The following BAZ2B variants were observed in gnomAD, a reference collection of about 807,000 sequenced individuals.
The protein encoded by BAZ2B is bromodomain adjacent to zinc finger domain protein 2B.
A neutral mutation model predicts 246.0 loss-of-function variants in BAZ2B; 91 were observed. The observed-to-expected ratio is 0.37, with a 90% CI of 0.31 to 0.44. The LOEUF is 0.44. Among genes scored for constraint, BAZ2B ranks in the 20% least tolerant of loss-of-function variants. The pLI, the probability that BAZ2B is intolerant of heterozygous loss-of-function variation, is 1.00. For missense variants in BAZ2B, 2,332 were observed against 2,533.7 expected, an observed-to-expected ratio of 0.92 and a Z score of 1.71; for synonymous variants, 855 against 860.0, an observed-to-expected ratio of 0.99 and a Z score of 0.10.
intron 3 of BAZ2B, chr2:159,462,112 A>G: frequency 3.8e-6 from 1 of 263,178 alleles, no homozygotes; most frequent in South Asian, 4.9e-5. Context: ...TTAAACAGTA[A>G]AATGTCTCTA....
At chr2:159,633,674 C>T in the BAZ2B span, among the ~76,000 whole-genome samples, 12 of 151,644 alleles carry the variant, frequency 7.9e-5, no homozygotes, top group African/African-American at 2.9e-4. Context: ...CTCTTGATAG[C>T]CAGTATGTTT....
At chr2:159,655,675 G>T in the BAZ2B span, among the ~76,000 whole-genome samples, 3 of 152,090 alleles carry the variant, frequency 2.0e-5, no homozygotes, top group African/African-American at 7.2e-5. Context: ...AATTTCTAAT[G>T]ATCTCATTGG....
chr2:159,532,896 C>T (rs2085520389), intron 2 of BAZ2B, among the ~76,000 whole-genome samples: 1 of 152,092 alleles, frequency 6.6e-6, no homozygotes, highest in Admixed American at 6.6e-5. Context: ...TTAAAATATA[C>T]ATGGAGAGAC....
the BAZ2B span, among the ~76,000 whole-genome samples, chr2:159,658,281 G>A: frequency 2.6e-5 from 4 of 152,012 alleles, no homozygotes; most frequent in Non-Finnish European, 5.9e-5. Context: ...AGTTGGTCAT[G>A]GTATATAATT....
the BAZ2B span, among the ~76,000 whole-genome samples, chr2:159,707,169 T>C: frequency 2.0e-5 from 3 of 152,164 alleles, no homozygotes; most frequent in South Asian, 2.1e-4. Context: ...ATTAAATATA[T>C]AATTAAATCT....
intron 36 of BAZ2B, among the ~76,000 whole-genome samples, chr2:159,322,465 A>T (rs2062834445): frequency 6.6e-6 from 1 of 152,156 alleles, no homozygotes; most frequent in African/African-American, 2.4e-5. Context: ...GTCTCTATGG[A>T]TTTATCTATT....
At chr2:159,595,535 G>GGCA (rs1690489973) in intron 1 of BAZ2B, among the ~76,000 whole-genome samples, 1 of 152,152 alleles carries the variant, frequency 6.6e-6, no homozygotes, top group Admixed American at 6.5e-5. Flanking sequence ...AATTCTACTA[G>GGCA]TCTGCTAAAA....
the BAZ2B span, among the ~76,000 whole-genome samples, chr2:159,697,404 A>C: frequency 1.3e-5 from 2 of 152,194 alleles, no homozygotes; most frequent in African/African-American, 4.8e-5. Context: ...ACAATTCATA[A>C]ATAATGTGAT....
chr2:159,708,545 TTTTATTTA>T, the BAZ2B span, among the ~76,000 whole-genome samples: 4 of 108,868 alleles, frequency 3.7e-5, no homozygotes, highest in South Asian at 9.9e-4. Context: ...TTTAATAACC[TTTTATTTA>T]TTTATTTATT....
chr2:159,580,077 G>C (rs1686366815), intron 1 of BAZ2B, among the ~76,000 whole-genome samples: 2 of 152,152 alleles, frequency 1.3e-5, no homozygotes, highest in Admixed American at 6.5e-5. Flanking sequence ...AGGGCAATCA[G>C]GCAGGAGAAA....
chr2:159,371,701 T>A (rs1174927278), intron 27 of BAZ2B, among the ~76,000 whole-genome samples: 1 of 152,174 alleles, frequency 6.6e-6, no homozygotes, highest in Non-Finnish European at 1.5e-5. Flanking sequence ...TTAGTGTAAT[T>A]CCCCTGCCAA....
At position 159,429,042 on chromosome 2, in the gene BAZ2B, C is replaced by G. The variant is rs192081000; in HGVS notation, c.2255+158G>C. 7.9e-5 allele frequency among the ~76,000 whole-genome samples: 12 copies of G among 152,172 alleles called. No individual in the cohort carries two copies. The South Asian group carries it at 1.0e-3, about 13-fold the overall frequency. On this transcript the variant is annotated intron_variant, in intron 11 of 36. Coordinates refer to ENST00000392783, the MANE Select transcript of BAZ2B (RefSeq NM_013450.4). ...GGATTAATTTCAGTTTTCTGATATA[C>G]CAAATTCCTTGCCCTTTGCTCCGGC...
chr2:159,495,260 C>T (rs1011496349), intron 2 of BAZ2B, among the ~76,000 whole-genome samples: 7 of 151,276 alleles, frequency 4.6e-5, no homozygotes, highest in African/African-American at 7.3e-5. Context: ...CCGAGGCGGG[C>T]GGATCACGAG....
At chr2:159,404,174 C>T (rs570802156) in intron 16 of BAZ2B, among the ~76,000 whole-genome samples, 3 of 152,062 alleles carry the variant, frequency 2.0e-5, no homozygotes, top group African/African-American at 7.2e-5. Flanking sequence ...TTAATGTTAC[C>T]ATGAATATGA....
At chr2:159,537,907 C>G (rs1474429394) in intron 2 of BAZ2B, among the ~76,000 whole-genome samples, 1 of 152,090 alleles carries the variant, frequency 6.6e-6, no homozygotes, top group South Asian at 2.1e-4. Flanking sequence ...TGTCCTCTTC[C>G]TCAGTCTCAT....
At chr2:159,333,297 A>T (rs2065084876) in intron 33 of BAZ2B, among the ~76,000 whole-genome samples, 1 of 152,208 alleles carries the variant, frequency 6.6e-6, no homozygotes, top group Admixed American at 6.5e-5. Flanking sequence ...AATGGATCCT[A>T]CAAAATGGTT....
At chr2:159,356,386 G>A (rs1188724365) in intron 27 of BAZ2B, among the ~76,000 whole-genome samples, 2 of 152,230 alleles carry the variant, frequency 1.3e-5, no homozygotes, top group African/African-American at 2.4e-5. Context: ...AGTTCAAACT[G>A]GGCGGAGCCC....
At chr2:159,624,006 G>T in the BAZ2B span, among the ~76,000 whole-genome samples, 5 of 152,210 alleles carry the variant, frequency 3.3e-5, no homozygotes, top group African/African-American at 1.2e-4. Flanking sequence ...GAGCTTGGTG[G>T]GGGGAGGGGC....
chr2:159,346,025 T>C (rs899983777), intron 31 of BAZ2B, among the ~76,000 whole-genome samples: 2 of 152,200 alleles, frequency 1.3e-5, no homozygotes, highest in Non-Finnish European at 2.9e-5. Flanking sequence ...GGAATAATTT[T>C]CATTTCTCCA....
Sources: gnomAD v4.1 joint callset for allele counts (sites outside exome capture counted in the v4.1 genomes callset) on GRCh38, gnomAD v4.1.1 for gene constraint, MANE v1.5 for transcripts, NCBI Gene and HGNC (gene_info 2026-07-23, HGNC 2026-07-21) for gene names.